KCNMB2: variants seen among roughly 807,000 people sequenced by gnomAD.
KCNMB2 encodes the protein calcium-activated potassium channel subunit beta-2.
A neutral mutation model predicts 24.5 loss-of-function variants in KCNMB2; 9 were observed. The observed-to-expected ratio is 0.37, with a 90% CI of 0.22 to 0.64. KCNMB2 has a LOEUF of 0.64. Ranked by LOEUF, KCNMB2 falls within the 30% of genes least tolerant of loss-of-function variation. The pLI is 0.63. For missense variants in KCNMB2, 226 were observed against 284.3 expected, an observed-to-expected ratio of 0.79 and a Z score of 1.47; for synonymous variants, 109 against 104.4, an observed-to-expected ratio of 1.04 and a Z score of -0.27.
At chr3:178,549,099 C>T (rs938327348) in intron 1 of KCNMB2, among the ~76,000 whole-genome samples, 16 of 151,996 alleles carry the variant, frequency 1.1e-4, no homozygotes, top group East Asian at 1.9e-4. Flanking sequence ...TATTTTAGTA[C>T]GCTTTTCTTT....
chr3:178,767,539 T>C (rs1453737792), intron 1 of KCNMB2, among the ~76,000 whole-genome samples: 2 of 152,228 alleles, frequency 1.3e-5, no homozygotes, highest in Non-Finnish European at 2.9e-5. Flanking sequence ...CTGTTCCATC[T>C]TGTGGTTAGC....
intron 1 of KCNMB2, among the ~76,000 whole-genome samples, chr3:178,678,437 A>G (rs1332016501): frequency 6.6e-6 from 1 of 152,216 alleles, no homozygotes; most frequent in African/African-American, 2.4e-5. Flanking sequence ...GAAATTAGCC[A>G]AAGAGACATA....
At chr3:178,782,059 C>T (rs1457813278) in intron 1 of KCNMB2, among the ~76,000 whole-genome samples, 21 of 118,016 alleles carry the variant, frequency 1.8e-4, no homozygotes, top group African/African-American at 3.5e-4. Flanking sequence ...TTTGTTCTTG[C>T]GATAGTTTAC....
At chr3:178,748,602 C>A (rs544403601) in intron 1 of KCNMB2, 55 of 152,292 alleles carry the variant, frequency 3.6e-4, no homozygotes, top group Non-Finnish European at 7.1e-4. Context: ...AAAACTAATT[C>A]TCTATAACAA....
intron 1 of KCNMB2, among the ~76,000 whole-genome samples, chr3:178,538,046 C>T (rs1319097587): frequency 6.6e-6 from 1 of 152,150 alleles, no homozygotes; most frequent in Non-Finnish European, 1.5e-5. Context: ...ATAAATAGGG[C>T]TTTTGCTCTT....
chr3:178,572,438 A>T (rs747180770), intron 1 of KCNMB2, among the ~76,000 whole-genome samples: 56 of 152,238 alleles, frequency 3.7e-4, no homozygotes, highest in Non-Finnish European at 7.2e-4. Flanking sequence ...AATACTGATG[A>T]TGAAAGATTA....
intron 1 of KCNMB2, among the ~76,000 whole-genome samples, chr3:178,786,179 C>T (rs1207784038): frequency 6.6e-6 from 1 of 152,124 alleles, no homozygotes; most frequent in Non-Finnish European, 1.5e-5. Flanking sequence ...TGCTGGTTTC[C>T]TTCAGGAATA....
At chr3:178,538,739 G>A (rs1440654207) in intron 1 of KCNMB2, among the ~76,000 whole-genome samples, 1 of 152,024 alleles carries the variant, frequency 6.6e-6, no homozygotes, top group Non-Finnish European at 1.5e-5. Flanking sequence ...TGAACTGTAT[G>A]CCCACAACCT....
chr3:178,841,845 T>A (rs1442052029), intron 4 of KCNMB2, among the ~76,000 whole-genome samples: 1 of 151,964 alleles, frequency 6.6e-6, no homozygotes, highest in Non-Finnish European at 1.5e-5. Flanking sequence ...TGTGTAGAAA[T>A]ACAGAGCGGA....
chr3:178,662,061 T>A (rs1197750841), intron 1 of KCNMB2, among the ~76,000 whole-genome samples: 1 of 152,224 alleles, frequency 6.6e-6, no homozygotes, highest in Non-Finnish European at 1.5e-5. Flanking sequence ...ATGGTATGAC[T>A]AAGGCCACAC....
At position 178,760,037 on chromosome 3, in the gene KCNMB2, T is replaced by C. The variant is rs181054934; in HGVS notation, c.-67-47306T>C. ...AAGAGGATATATCTATATATATATATATATATATCCAAGAGGATATATCTA... is the reference window on the plus strand; with the variant it reads ...AAGAGGATATATCTATATATATATACATATATATCCAAGAGGATATATCTA... On this transcript the variant is annotated intron_variant, in intron 1 of 4. Transcript: ENST00000452583. 6.7e-5 allele frequency among the ~76,000 whole-genome samples: 3 copies of C among 44,808 alleles called. 1 individual carries two copies. The highest frequency in any genetic ancestry group is 2.9e-4 in the Admixed American group (1 of 3,486). 29.4% of individuals were successfully genotyped at this position (44,808 alleles called of 152,430 possible).
At chr3:178,757,368 A>C (rs1469797404) in intron 1 of KCNMB2, among the ~76,000 whole-genome samples, 1 of 82,360 alleles carries the variant, frequency 1.2e-5, no homozygotes, top group Admixed American at 1.5e-4. Flanking sequence ...ATATATATAT[A>C]TATATCCAAG....
At chr3:178,735,579 TTC>T (rs1027821817) in intron 1 of KCNMB2, among the ~76,000 whole-genome samples, 2 of 152,216 alleles carry the variant, frequency 1.3e-5, no homozygotes, top group African/African-American at 4.8e-5. Context: ...CCATGACTTT[TTC>T]TAAGCTCAGT....
At chr3:178,573,876 C>T (rs1286084636) in intron 1 of KCNMB2, among the ~76,000 whole-genome samples, 1 of 151,672 alleles carries the variant, frequency 6.6e-6, no homozygotes, top group Non-Finnish European at 1.5e-5. Flanking sequence ...AAGGCATTCA[C>T]TCAAATAAAG....
chr3:178,771,537 G>A (rs78564939), intron 1 of KCNMB2, among the ~76,000 whole-genome samples: 24,640 of 137,374 alleles, frequency 0.18, 2,214 homozygotes, highest in Admixed American at 0.21. Context: ...GCGGGAGTAC[G>A]GTGGTACAAT....
chr3:178,743,450 T>C (rs1723558997), intron 1 of KCNMB2, among the ~76,000 whole-genome samples: 1 of 152,120 alleles, frequency 6.6e-6, no homozygotes, highest in Non-Finnish European at 1.5e-5. Context: ...CTTCTAATCT[T>C]CTGAATTTTC....
intron 1 of KCNMB2, among the ~76,000 whole-genome samples, chr3:178,737,853 T>C (rs935233697): frequency 4.6e-5 from 7 of 152,218 alleles, no homozygotes; most frequent in African/African-American, 1.4e-4. Flanking sequence ...CTCAATGTTA[T>C]CACTTTTTCC....
intron 1 of KCNMB2, among the ~76,000 whole-genome samples, chr3:178,593,391 T>C (rs979948668): frequency 6.6e-6 from 1 of 152,034 alleles, no homozygotes; most frequent in Admixed American, 6.6e-5. Context: ...CATCTTGAAA[T>C]CCACAATTAA....
At chr3:178,686,857 C>G (rs991890823) in intron 1 of KCNMB2, among the ~76,000 whole-genome samples, 8 of 150,814 alleles carry the variant, frequency 5.3e-5, no homozygotes, top group African/African-American at 1.9e-4. Flanking sequence ...ATTCAGGAAA[C>G]CTTACATTTA....
Sources: gnomAD v4.1 joint callset for allele counts (sites outside exome capture counted in the v4.1 genomes callset) on GRCh38, gnomAD v4.1.1 for gene constraint, MANE v1.5 for transcripts, NCBI Gene and HGNC (gene_info 2026-07-23, HGNC 2026-07-21) for gene names.